The following DRICH1 variants were observed in gnomAD, a reference collection of about 807,000 sequenced individuals.
The protein encoded by DRICH1 is aspartate-rich protein 1.
Under a neutral mutation model 39.5 loss-of-function variants are expected in DRICH1, and 38 were observed. That is an observed-to-expected ratio of 0.96 (90% confidence interval 0.74 to 1.26). DRICH1 has a LOEUF of 1.26. DRICH1 is among the 50% of genes most tolerant of loss of function. DRICH1 has a pLI of 0.00. For missense variants in DRICH1, 279 were observed against 270.4 expected, an observed-to-expected ratio of 1.03 and a Z score of -0.22; for synonymous variants, 84 against 99.5, an observed-to-expected ratio of 0.84 and a Z score of 0.93.
At chr22:23,599,072 G>A in the DRICH1 span, among the ~76,000 whole-genome samples, 1 of 152,184 alleles carries the variant, frequency 6.6e-6, no homozygotes, top group Non-Finnish European at 1.5e-5. Context: ...TGGACAACAC[G>A]TGTCCCATAT....
chr22:23,603,749 CATG>C (rs778215756), downstream of DRICH1, among the ~76,000 whole-genome samples: 45 of 152,146 alleles, frequency 3.0e-4, no homozygotes, highest in Non-Finnish European at 5.9e-4. Flanking sequence ...AAAAATGGGC[CATG>C]ATCTGTCCTC....
chr22:23,591,338 C>T, the DRICH1 span, among the ~76,000 whole-genome samples: 1 of 152,200 alleles, frequency 6.6e-6, no homozygotes, highest in Non-Finnish European at 1.5e-5. Flanking sequence ...CTCTCAAGGA[C>T]TGCACTGGAG....
the DRICH1 span, among the ~76,000 whole-genome samples, chr22:23,595,023 T>A: frequency 2.0e-5 from 3 of 148,968 alleles, no homozygotes; most frequent in African/African-American, 7.5e-5. Context: ...GAGCCCACCA[T>A]GGGTGAGAAG....
chr22:23,590,170 T>C, the DRICH1 span, among the ~76,000 whole-genome samples: 1 of 152,198 alleles, frequency 6.6e-6, no homozygotes, highest in African/African-American at 2.4e-5. Context: ...GAATCCTGGC[T>C]AGGGGTGAGG....
intron 11 of DRICH1, among the ~76,000 whole-genome samples, chr22:23,609,035 C>T (rs1022014867): frequency 2.6e-5 from 4 of 152,146 alleles, no homozygotes; most frequent in Admixed American, 6.5e-5. Context: ...GCCCATTTAC[C>T]GTTATCAGCT....
At chr22:23,611,448 TG>T (rs1456777935) in intron 11 of DRICH1, among the ~76,000 whole-genome samples, 123 of 150,616 alleles carry the variant, frequency 8.2e-4, no homozygotes, top group Admixed American at 1.1e-3. Flanking sequence ...TGGAGTGCAG[TG>T]GGCATGATCT....
chr22:23,624,249 T>G, intron 3 of DRICH1: 1 of 985,398 alleles, frequency 1.0e-6, no homozygotes, highest in South Asian at 4.7e-5. Flanking sequence ...GTGACAGAAC[T>G]GTGTCCCAAA....
chr22:23,628,974 G>A (rs1602353064), intron 1 of DRICH1, among the ~76,000 whole-genome samples: 1 of 152,096 alleles, frequency 6.6e-6, no homozygotes, highest in East Asian at 1.9e-4. Context: ...ACTCAGAAGG[G>A]GTCTCAGATA....
At chr22:23,591,068 C>T in the DRICH1 span, among the ~76,000 whole-genome samples, 3 of 152,218 alleles carry the variant, frequency 2.0e-5, no homozygotes, top group African/African-American at 7.2e-5. Context: ...TCTAGCCGTT[C>T]TCACTCATGG....
At chr22:23,584,386 C>T in the DRICH1 span, among the ~76,000 whole-genome samples, 4 of 152,172 alleles carry the variant, frequency 2.6e-5, no homozygotes, top group African/African-American at 9.7e-5. Context: ...TCCTGCTGGT[C>T]AGTCCCCTGC....
At chr22:23,595,756 G>C in the DRICH1 span, among the ~76,000 whole-genome samples, 1 of 152,140 alleles carries the variant, frequency 6.6e-6, no homozygotes, top group East Asian at 1.9e-4. Context: ...TTCCAACCAT[G>C]GTGAGGGAGG....
intron 4 of DRICH1, among the ~76,000 whole-genome samples, chr22:23,621,322 C>G (rs969435889): frequency 1.3e-5 from 2 of 151,894 alleles, no homozygotes; most frequent in Admixed American, 6.6e-5. Context: ...ATCAGCCTGC[C>G]CAGCTACTTA....
Position 23,608,619 on chromosome 22 carries a change from C to A in DRICH1, c.*145G>T. The A allele has an allele frequency of 1.2e-6, 1 of 839,012 alleles. No homozygotes were observed. Among genetic ancestry groups the A allele is most frequent in the Non-Finnish European group, 1.9e-6 (1 of 514,302 alleles). The allele number at this position is 839,012 out of a possible 1,614,324, so 52.0% of individuals were successfully genotyped here. ...GTGCTGGCGGTGGGTGGGAAGCAGC[C>A]TTGGACTTTTTCTCTCTGCTGGGAC... On this transcript the variant is annotated 3_prime_UTR_variant, in exon 12 of 12. Transcript: ENST00000317749.
At chr22:23,604,287 G>A (rs538315481), downstream of DRICH1, among the ~76,000 whole-genome samples, 18 of 152,220 alleles carry the variant, frequency 1.2e-4, no homozygotes, top group African/African-American at 3.4e-4. Flanking sequence ...CCTGTGGGCC[G>A]CCTGGAGCTT....
chr22:23,615,751 CCA>C (rs370821779), intron 8 of DRICH1, among the ~76,000 whole-genome samples: 2 of 151,906 alleles, frequency 1.3e-5, no homozygotes, highest in East Asian at 1.9e-4. Context: ...AGATTGAAAT[CCA>C]CACACACACA....
At position 23,618,697 on chromosome 22, in the gene DRICH1, G is replaced by A. The variant is rs137950186; in HGVS notation, c.436+667C>T. Among the ~76,000 whole-genome samples, 256 of 152,246 alleles carry A rather than the reference G, an allele frequency of 1.7e-3. 3 individuals carry two copies. In the East Asian group the frequency reaches 0.042, roughly 25 times the overall value. ...GGTGACTCTGAACACTTTCTGCCATGAGGATAAGTTTCCAGGTTCAAATAT... is the reference window on the plus strand; with the variant it reads ...GGTGACTCTGAACACTTTCTGCCATAAGGATAAGTTTCCAGGTTCAAATAT... On this transcript the variant is annotated intron_variant, in intron 6 of 11. Transcript: ENST00000317749.
the DRICH1 span, among the ~76,000 whole-genome samples, chr22:23,582,511 C>T: frequency 6.6e-6 from 1 of 150,594 alleles, no homozygotes; most frequent in South Asian, 2.1e-4. Context: ...CTTTGAAAGT[C>T]CTTTTTAAAC....
intron 1 of DRICH1, among the ~76,000 whole-genome samples, chr22:23,629,107 C>T (rs1928244446): frequency 6.6e-6 from 1 of 152,198 alleles, no homozygotes; most frequent in Non-Finnish European, 1.5e-5. Context: ...GGCTCGATCT[C>T]AGCTCACTGC....
chr22:23,630,412 A>ACT (rs35643033), intron 1 of DRICH1, among the ~76,000 whole-genome samples: 1 of 151,024 alleles, frequency 6.6e-6, no homozygotes, highest in Non-Finnish European at 1.5e-5. Flanking sequence ...TCCTTTCCAC[A>ACT]CTCTCTCTCT....
Sources: gnomAD v4.1 joint callset for allele counts (sites outside exome capture counted in the v4.1 genomes callset) on GRCh38, gnomAD v4.1.1 for gene constraint, MANE v1.5 for transcripts, NCBI Gene and HGNC (gene_info 2026-07-23, HGNC 2026-07-21) for gene names.